Variants in GRM5 observed in about 807,000 individuals in gnomAD.
GRM5 encodes the protein glutamate metabotropic receptor 5.
A neutral mutation model predicts 83.1 loss-of-function variants in GRM5; 19 were observed. The observed-to-expected ratio is 0.23, with a 90% CI of 0.16 to 0.34. The LOEUF (loss-of-function observed/expected upper bound fraction) is 0.34. GRM5 is among the 10% of genes least tolerant of loss of function. The probability of loss-of-function intolerance (pLI) is 1.00; values close to 1 mark genes in which losing one functional copy is unlikely to be tolerated. For synonymous variants in GRM5, 675 were observed against 633.6 expected (o/e 1.07, Z -0.98); for missense variants, 1,160 against 1,588.3 (o/e 0.73, Z 4.58).
chr11:88,573,333 T>C (rs1161341346), intron 7 of GRM5, among the ~76,000 whole-genome samples: 1 of 152,184 alleles, frequency 6.6e-6, no homozygotes, highest in Admixed American at 6.5e-5. Flanking sequence ...TGACTCCTCA[T>C]TCACAGCTGG....
intron 3 of GRM5, among the ~76,000 whole-genome samples, chr11:88,758,627 C>T (rs945106712): frequency 5.3e-5 from 8 of 152,168 alleles, no homozygotes; most frequent in South Asian, 4.2e-4. Context: ...TTGGTGTTCT[C>T]GAAAGCGTTG....
chr11:88,654,747 C>T (rs1939724450), intron 3 of GRM5, among the ~76,000 whole-genome samples: 1 of 152,044 alleles, frequency 6.6e-6, no homozygotes, highest in African/African-American at 2.4e-5. Flanking sequence ...TTTATTTTTA[C>T]TTTCCTTTCA....
chr11:88,970,796 G>A (rs1939144609), intron 2 of GRM5, among the ~76,000 whole-genome samples: 1 of 152,144 alleles, frequency 6.6e-6, no homozygotes, highest in African/African-American at 2.4e-5. Flanking sequence ...TGTAGGCAGT[G>A]GGAAGTGGGC....
At chr11:88,510,674 G>A (rs1324811716) in intron 9 of GRM5, among the ~76,000 whole-genome samples, 3 of 152,086 alleles carry the variant, frequency 2.0e-5, no homozygotes, top group East Asian at 1.9e-4. Flanking sequence ...GCGCCACCAC[G>A]CCCAGCTAAT....
rs200619479 is a variant in GRM5, at chr11:88,841,956, T to C, written c.911+7950A>G. Among the ~76,000 whole-genome samples, 58 of 152,328 alleles carry C rather than the reference T, an allele frequency of 3.8e-4. No homozygotes were observed. In the East Asian group the frequency reaches 0.011, roughly 28 times the overall value. On this transcript the variant is annotated intron_variant, in intron 3 of 9. Transcript: ENST00000305447. ...CAGATACTCATAATACTTGAGATCA[T>C]TGCAATATCAATAGGAGGTGGCTTT...
chr11:89,047,868 A>G lies in GRM5; in HGVS notation c.5T>C (p.Val2Ala), dbSNP rs78375107. Residue 2 changes from valine to alanine, a missense_variant, in exon 2 of 10, where the codon GTC (valine) becomes GCC (alanine). By Grantham distance (64) the Val-to-Ala change is moderately conservative. Around this residue, in one of 9 missense-constraint regions of GRM5, gnomAD observed 71 missense variants for 145.8 expected, o/e 0.49. Coordinates refer to ENST00000305447, the MANE Select transcript of GRM5 (RefSeq NM_001143831.3). The surrounding 1 kb of genome is among the most constrained non-coding windows in gnomAD (Gnocchi z 5.1). Reference sequence around the variant, plus strand: ...TAAGACTGACAGGATCAACAGAAGGACCATTTTAGGAAAGGAGTTCAAGCC... The same window carrying G: ...TAAGACTGACAGGATCAACAGAAGGGCCATTTTAGGAAAGGAGTTCAAGCC... M[V>A]LLLILSVLLL... 2.9e-5 allele frequency: 46 copies of G among 1,612,918 alleles called. No homozygotes were observed. The Admixed American group carries it at 7.5e-4, about 26-fold the overall frequency.
chr11:88,847,107 T>C lies in GRM5; in HGVS notation c.911+2799A>G, dbSNP rs563682608. On this transcript the variant is annotated intron_variant, in intron 3 of 9. Coordinates refer to ENST00000305447, the MANE Select transcript of GRM5 (RefSeq NM_001143831.3). Reference sequence around the variant, plus strand: ...AGAGTTAGTAGATGTAAACTTTTTCTTACAAACTATTAACTTTTGCTTTTC... The same window carrying C: ...AGAGTTAGTAGATGTAAACTTTTTCCTACAAACTATTAACTTTTGCTTTTC... Among the ~76,000 whole-genome samples, 356 of 152,300 alleles carry C rather than the reference T, an allele frequency of 2.3e-3. 2 individuals are homozygous for C. Among genetic ancestry groups the C allele is most frequent in the African/African-American group, 8.3e-3 (344 of 41,564 alleles).
At chr11:88,665,884 T>A (rs1940031773) in intron 3 of GRM5, among the ~76,000 whole-genome samples, 1 of 151,216 alleles carries the variant, frequency 6.6e-6, no homozygotes, top group Non-Finnish European at 1.5e-5. Context: ...GAAGAAAGAC[T>A]TTCCCTTTGA....
chr11:88,987,646 C>T (rs7113803), intron 2 of GRM5, among the ~76,000 whole-genome samples: 12,432 of 151,784 alleles, frequency 0.082, 1,630 homozygotes, highest in African/African-American at 0.28. Context: ...GTTCTCCCAG[C>T]ACGCAGCTGG....
At chr11:88,774,764 T>C (rs902947474) in intron 3 of GRM5, among the ~76,000 whole-genome samples, 4 of 152,074 alleles carry the variant, frequency 2.6e-5, no homozygotes, top group African/African-American at 9.7e-5. Flanking sequence ...ATTGCGTATG[T>C]TGAAGCAGCC....
intron 3 of GRM5, among the ~76,000 whole-genome samples, chr11:88,697,846 C>T (rs1940938047): frequency 6.6e-6 from 1 of 152,190 alleles, no homozygotes; most frequent in South Asian, 2.1e-4. Context: ...AGAATGCTTT[C>T]ATGTTTATAT....
intron 2 of GRM5, among the ~76,000 whole-genome samples, chr11:88,871,549 A>C (rs556089726): frequency 1.3e-5 from 2 of 151,604 alleles, no homozygotes; most frequent in African/African-American, 2.4e-5. Context: ...AGTAGAGCAT[A>C]AATCAGACTT....
chr11:88,622,094 T>TTG (rs1336336642), intron 4 of GRM5, among the ~76,000 whole-genome samples: 12 of 5,816 alleles, frequency 2.1e-3, no homozygotes, highest in African/African-American at 4.5e-3. Context: ...CACAACACTA[T>TTG]TTTCAACCAT....
chr11:88,642,965 G>A (rs1939335606), intron 4 of GRM5, among the ~76,000 whole-genome samples: 1 of 152,014 alleles, frequency 6.6e-6, no homozygotes, highest in Admixed American at 6.5e-5. Context: ...CTTGTTACCT[G>A]GTTCCAAATG....
chr11:88,778,457 C>A (rs1942906053), intron 3 of GRM5, among the ~76,000 whole-genome samples: 1 of 152,224 alleles, frequency 6.6e-6, no homozygotes, highest in African/African-American at 2.4e-5. Context: ...CTGTGGGCTG[C>A]ACCCACTGTC....
chr11:88,681,565 C>CTTTTTTTTTTTTTTTTT lies in GRM5; in HGVS notation c.912-28179_912-28163dup, dbSNP rs796854617. Reference sequence around the variant, plus strand: ...ATAAACTCAAGAGGTTGAGTTCTTCCTTTTTTTTTTTTTTTTTTTTTTTTG... The same window carrying CTTTTTTTTTTTTTTTTT: ...ATAAACTCAAGAGGTTGAGTTCTTCCTTTTTTTTTTTTTTTTTTTTTTTTTTTTTTTTTTTTTTTTTG... On this transcript the variant is annotated intron_variant, in intron 3 of 9. Coordinates refer to ENST00000305447, the MANE Select transcript of GRM5 (RefSeq NM_001143831.3). 4.4e-3 allele frequency among the ~76,000 whole-genome samples: 112 copies of CTTTTTTTTTTTTTTTTT among 25,414 alleles called. 35 individuals are homozygous for CTTTTTTTTTTTTTTTTT. The Middle Eastern group carries it at 0.12, about 28-fold the overall frequency. The allele number at this position is 25,414 out of a possible 152,430, so 16.7% of individuals were successfully genotyped here. A position where few individuals can be genotyped will look rare whatever the true frequency, so the allele number is the denominator to read the frequency against.
At chr11:88,970,052 C>G (rs576627047) in intron 2 of GRM5, among the ~76,000 whole-genome samples, 1 of 152,052 alleles carries the variant, frequency 6.6e-6, no homozygotes, top group East Asian at 1.9e-4. Context: ...TGATTTTCTT[C>G]CGTATCTAAC....
chr11:88,862,931 C>G (rs1259597831), intron 2 of GRM5, among the ~76,000 whole-genome samples: 7 of 151,834 alleles, frequency 4.6e-5, no homozygotes, highest in African/African-American at 1.2e-4. Context: ...AAAAAACAAC[C>G]CTATTAAAAA....
At chr11:88,804,528 G>A (rs1208704329) in intron 3 of GRM5, among the ~76,000 whole-genome samples, 1 of 151,868 alleles carries the variant, frequency 6.6e-6, no homozygotes, top group East Asian at 1.9e-4. Flanking sequence ...ACACTCTGGG[G>A]ACTGTTGTGG....
Sources: allele counts gnomAD v4.1 joint callset (sites outside exome capture counted in the v4.1 genomes callset), GRCh38; gene constraint gnomAD v4.1.1; regional missense constraint gnomAD v4.1.1; non-coding constraint Gnocchi (gnomAD v3.1); transcripts MANE v1.5; gene names NCBI Gene and HGNC (gene_info 2026-07-23, HGNC 2026-07-21).